The following THSD4 variants were observed in gnomAD, a reference collection of about 807,000 sequenced individuals.
THSD4 encodes thrombospondin type-1 domain-containing protein 4.
In THSD4, 69 loss-of-function variants were observed where a neutral mutation model predicts 119.0. The ratio of observed to expected loss-of-function variants is 0.58; its 90% CI spans 0.48 to 0.71. The LOEUF (loss-of-function observed/expected upper bound fraction) is 0.71. Ranked by LOEUF, THSD4 falls within the 30% of genes least tolerant of loss-of-function variation. THSD4 has a pLI of 0.00. For synonymous variants in THSD4, 524 were observed against 540.4 expected, an observed-to-expected ratio of 0.97 and a Z score of 0.42; for missense variants, 1,393 against 1,391.1, an observed-to-expected ratio of 1.00 and a Z score of -0.02.
intron 7 of THSD4, among the ~76,000 whole-genome samples, chr15:71,535,622 C>T (rs894022196): frequency 1.3e-5 from 2 of 152,166 alleles, no homozygotes; most frequent in African/African-American, 4.8e-5. Context: ...CACACCCTTG[C>T]CAACATTTGT....
chr15:71,362,397 G>A (rs758941253), intron 6 of THSD4, among the ~76,000 whole-genome samples: 37 of 152,106 alleles, frequency 2.4e-4, no homozygotes, highest in Admixed American at 3.3e-4. Flanking sequence ...ATAAAAATGA[G>A]ACAAAACAAA....
intron 7 of THSD4, among the ~76,000 whole-genome samples, chr15:71,484,515 CA>C (rs1208249787): frequency 1.3e-5 from 2 of 152,226 alleles, no homozygotes; most frequent in Admixed American, 6.5e-5. Flanking sequence ...GAGCTCGAAT[CA>C]GCTGTCAAAG....
intron 17 of THSD4, among the ~76,000 whole-genome samples, chr15:71,772,005 G>T (rs1206969129): frequency 6.6e-6 from 1 of 152,178 alleles, no homozygotes; most frequent in Non-Finnish European, 1.5e-5. Flanking sequence ...AGGCATATTG[G>T]ATGCCCCAAA....
intron 14 of THSD4, among the ~76,000 whole-genome samples, chr15:71,748,969 G>A (rs2053394688): frequency 6.6e-6 from 1 of 152,198 alleles, no homozygotes; most frequent in African/African-American, 2.4e-5. Context: ...CCCACACCCC[G>A]TTCCCTCCCC....
intron 7 of THSD4, among the ~76,000 whole-genome samples, chr15:71,452,917 G>A (rs746885938): frequency 8.5e-5 from 13 of 152,088 alleles, no homozygotes; most frequent in Admixed American, 7.2e-4. Flanking sequence ...ACCTGGCCAG[G>A]AGGCAGTTAA....
chr15:71,602,216 T>G (rs1257257147), intron 7 of THSD4, among the ~76,000 whole-genome samples: 1 of 152,274 alleles, frequency 6.6e-6, no homozygotes, highest in East Asian at 1.9e-4. Flanking sequence ...GTTAGCAACT[T>G]ATTATAGTCC....
At chr15:71,477,505 TG>T (rs2047670708) in intron 7 of THSD4, among the ~76,000 whole-genome samples, 2 of 151,930 alleles carry the variant, frequency 1.3e-5, no homozygotes, top group African/African-American at 4.8e-5. Flanking sequence ...GTTACTGGAG[TG>T]GGATTAGGAG....
At chr15:71,097,723 TATA>T (rs952584584) in intron 1 of THSD4, among the ~76,000 whole-genome samples, 6 of 133,030 alleles carry the variant, frequency 4.5e-5, no homozygotes, top group African/African-American at 1.4e-4. Context: ...TATATATATA[TATA>T]TATTTTTTTT....
intron 3 of THSD4, chr15:71,165,371 A>G (rs2043285932): frequency 2.7e-6 from 4 of 1,488,300 alleles, no homozygotes; most frequent in South Asian, 1.1e-5. Flanking sequence ...AAAAATGCAT[A>G]TGATGACATT....
rs1491259572 is a variant in THSD4, at chr15:71,199,758, A to ATGTGTGTGG, written c.100-15261_100-15253dup. ...TGTGTAGTGTGTGTGGGTGTGTGTG[A>ATGTGTGTGG]TGTGTGTGGTGTGTGTGGTGTGTGG... On this transcript the variant is annotated intron_variant, in intron 3 of 17. Coordinates refer to ENST00000261862, the MANE Select transcript of THSD4 (RefSeq NM_024817.3). Among the ~76,000 whole-genome samples the ATGTGTGTGG allele has an allele frequency of 1.1e-3, 37 of 33,096 alleles. No homozygotes were observed. In the East Asian group the frequency reaches 0.012, roughly 10 times the overall value. 21.7% of individuals were successfully genotyped at this position (33,096 alleles called of 152,430 possible).
intron 6 of THSD4, among the ~76,000 whole-genome samples, chr15:71,390,484 C>T (rs1407530766): frequency 2.6e-5 from 4 of 152,158 alleles, no homozygotes; most frequent in African/African-American, 9.7e-5. Context: ...CTTTCCTTTA[C>T]ATAAGTCTAC....
chr15:71,370,854 G>C (rs114994794), intron 6 of THSD4, among the ~76,000 whole-genome samples: 191 of 152,208 alleles, frequency 1.3e-3, no homozygotes, highest in African/African-American at 4.2e-3. Flanking sequence ...TTGTCTCGTC[G>C]ATCTGTCTGA....
At chr15:71,651,488 C>T (rs914188634) in intron 7 of THSD4, among the ~76,000 whole-genome samples, 3 of 152,180 alleles carry the variant, frequency 2.0e-5, no homozygotes, top group Non-Finnish European at 4.4e-5. Flanking sequence ...CTCATCATCT[C>T]GTCCCACTCA....
intron 1 of THSD4, among the ~76,000 whole-genome samples, chr15:71,135,253 A>G (rs970134615): frequency 5.4e-5 from 8 of 148,144 alleles, no homozygotes; most frequent in Non-Finnish European, 1.2e-4. Flanking sequence ...GCATTGGGAG[A>G]TATACCTAAT....
At chr15:71,255,297 G>T (rs539952106) in intron 5 of THSD4, among the ~76,000 whole-genome samples, 17 of 152,138 alleles carry the variant, frequency 1.1e-4, no homozygotes, top group African/African-American at 4.1e-4. Flanking sequence ...GTTCAACAAA[G>T]CTAGATCATA....
intron 7 of THSD4, among the ~76,000 whole-genome samples, chr15:71,422,021 T>C (rs576171419): frequency 6.6e-6 from 1 of 152,358 alleles, no homozygotes; most frequent in African/African-American, 2.4e-5. Context: ...TGATTCTTTG[T>C]TAAATGTATC....
chr15:71,523,784 GA>G (rs1434416945), intron 7 of THSD4, among the ~76,000 whole-genome samples: 6 of 152,328 alleles, frequency 3.9e-5, no homozygotes, highest in African/African-American at 1.2e-4. Flanking sequence ...GTCAGTAAGA[GA>G]AAGAGAAAAT....
chr15:71,372,657 T>C (rs918491939), intron 6 of THSD4, among the ~76,000 whole-genome samples: 2 of 152,252 alleles, frequency 1.3e-5, no homozygotes, highest in Admixed American at 6.5e-5. Context: ...CTCAGAGGGG[T>C]ACCTGGCCGT....
At chr15:71,130,993 C>T (rs2040498926) in intron 1 of THSD4, among the ~76,000 whole-genome samples, 1 of 152,174 alleles carries the variant, frequency 6.6e-6, no homozygotes, top group African/African-American at 2.4e-5. Flanking sequence ...ATCCGCCTGC[C>T]TTGGCCTCCC....
Sources: allele counts gnomAD v4.1 joint callset (sites outside exome capture counted in the v4.1 genomes callset), GRCh38; gene constraint gnomAD v4.1.1; transcripts MANE v1.5; gene names NCBI Gene and HGNC (gene_info 2026-07-23, HGNC 2026-07-21).